The following RALGAPA1 variants were observed in gnomAD, a reference collection of about 807,000 sequenced individuals.
RALGAPA1 encodes ral GTPase-activating protein subunit alpha-1.
RALGAPA1 carries 52 observed loss-of-function variants against 269.6 expected under a neutral mutation model. The observed-to-expected ratio is 0.19, with a 90% confidence interval of 0.15 to 0.24. The LOEUF is 0.24. RALGAPA1 is among the 10% of genes least tolerant of loss of function. RALGAPA1 has a pLI of 1.00. For synonymous variants in RALGAPA1, 817 were observed against 1,008.3 expected (o/e 0.81, Z 3.60); for missense variants, 1,917 against 3,013.9 (o/e 0.64, Z 8.52).
rs1053529675 is a variant in RALGAPA1, at chr14:35,688,768, G to C, written c.3643C>G (p.Leu1215Val). 20 of 1,451,526 alleles carry C rather than the reference G, an allele frequency of 1.4e-5. No homozygotes were observed. The highest frequency in any genetic ancestry group is 1.6e-5 in the Non-Finnish European group (18 of 1,109,460). 89.9% of individuals were successfully genotyped at this position (1,451,526 alleles called of 1,614,324 possible). A position where few individuals can be genotyped will look rare whatever the true frequency, so the allele number is the denominator to read the frequency against. Reference sequence around the variant, plus strand: ...ACTGATGCAGTACCAAGTGTATCTAGAGGTCTGTACACACCAGGTTTTACT... The same window carrying C: ...ACTGATGCAGTACCAAGTGTATCTACAGGTCTGTACACACCAGGTTTTACT... ...ELVKPGVYRPLDTLGTASVSS... is the reference protein window; with the variant it reads ...ELVKPGVYRPVDTLGTASVSS... Residue 1215 changes from leucine to valine, a missense_variant, in exon 18 of 42, where the codon CTA becomes GTA. Leu to Val is a conservative substitution (Grantham distance 32). Transcript: ENST00000680220.
chr14:35,700,993 T>C (rs374190278), intron 16 of RALGAPA1, among the ~76,000 whole-genome samples: 35 of 152,232 alleles, frequency 2.3e-4, no homozygotes, highest in African/African-American at 7.9e-4. Flanking sequence ...TTGACAAAAA[T>C]AGATAATTTT....
intron 7 of RALGAPA1, 27 bp downstream of exon 7, chr14:35,756,766 T>G (rs747061575): frequency 1.4e-6 from 2 of 1,428,900 alleles, no homozygotes; most frequent in Non-Finnish European, 2.0e-6. Flanking sequence ...TAGTAAGGAG[T>G]GTGATATCAA....
At chr14:35,728,239 C>A in intron 13 of RALGAPA1, 123 bp downstream of exon 13, 1 of 897,580 alleles carries the variant, frequency 1.1e-6, no homozygotes, top group Non-Finnish European at 1.5e-6. Flanking sequence ...TATATTTATT[C>A]AATAATAGGA....
At chr14:35,707,444 T>C (rs566985731) in intron 16 of RALGAPA1, 3 of 152,216 alleles carry the variant, frequency 2.0e-5, no homozygotes, top group South Asian at 2.1e-4. Flanking sequence ...TGTGTTTTTA[T>C]TTTTTAATAG....
intron 31 of RALGAPA1, among the ~76,000 whole-genome samples, chr14:35,650,779 A>T (rs576731338): frequency 6.6e-6 from 1 of 152,202 alleles, no homozygotes; most frequent in South Asian, 2.1e-4. Context: ...AGATTGAGAT[A>T]TGACAAGGGA....
At chr14:35,672,232 A>C (rs1021652321) in intron 25 of RALGAPA1, among the ~76,000 whole-genome samples, 17 of 152,262 alleles carry the variant, frequency 1.1e-4, no homozygotes, top group African/African-American at 3.9e-4. Context: ...ATATTAATAT[A>C]CTCTGTAAAT....
At chr14:35,727,080 C>A (rs1265818923) in intron 13 of RALGAPA1, among the ~76,000 whole-genome samples, 1 of 151,652 alleles carries the variant, frequency 6.6e-6, no homozygotes, top group African/African-American at 2.4e-5. Flanking sequence ...AGAATCTTTT[C>A]AAAATATAAA....
chr14:35,640,166 A>G (rs1295556197), intron 31 of RALGAPA1, among the ~76,000 whole-genome samples: 1 of 152,086 alleles, frequency 6.6e-6, no homozygotes. Flanking sequence ...CTAACAATGC[A>G]TCTTAAAGAA....
chr14:35,639,015 A>G (rs2061838901), intron 31 of RALGAPA1, among the ~76,000 whole-genome samples: 1 of 152,224 alleles, frequency 6.6e-6, no homozygotes, highest in South Asian at 2.1e-4. Context: ...GTGGCTGAAC[A>G]GATTAAAAAA....
intron 12 of RALGAPA1, among the ~76,000 whole-genome samples, chr14:35,736,784 C>A (rs1382970689): frequency 6.6e-6 from 1 of 151,980 alleles, no homozygotes; most frequent in East Asian, 1.9e-4. Flanking sequence ...GCCTATAATC[C>A]CAACACTTTG....
Position 35,721,840 on chromosome 14 carries a change from T to C in RALGAPA1, c.2114A>G (p.His705Arg), listed in dbSNP as rs940960732. 13 of 1,613,030 alleles carry C rather than the reference T, an allele frequency of 8.1e-6. No homozygotes were observed. In the Admixed American group the frequency reaches 1.5e-4, roughly 19 times the overall value. The change falls in exon 16 of 42, where the codon CAT (histidine) becomes CGT (arginine). Residue 705 changes from histidine to arginine, a missense_variant. Transcript: ENST00000680220. ...QKKHKGKGVG[H>R]EFQKVSVDKS... is the part of the protein sequence containing the mutation. The stretch of plus-strand genomic sequence containing the variant: ...GTCAACTGAAACTTTCTGAAATTCA[T>C]GTCCAACTCCTGGAAATGTAGATTT...
chr14:35,800,934 G>A (rs1420593393), intron 1 of RALGAPA1, among the ~76,000 whole-genome samples: 1 of 152,062 alleles, frequency 6.6e-6, no homozygotes, highest in Non-Finnish European at 1.5e-5. Flanking sequence ...GAACCTGGGA[G>A]GCGGAGGTTG....
chr14:35,612,370 CAA>C (rs1010725263), intron 35 of RALGAPA1, among the ~76,000 whole-genome samples: 7 of 63,318 alleles, frequency 1.1e-4, no homozygotes, highest in Admixed American at 5.2e-4. Context: ...AACTCTGTTT[CAA>C]AAAAAAAAAA....
At chr14:35,554,503 C>T (rs1037746200) in intron 39 of RALGAPA1, among the ~76,000 whole-genome samples, 10 of 150,588 alleles carry the variant, frequency 6.6e-5, no homozygotes, top group Admixed American at 2.0e-4. Context: ...CCCGCCACTA[C>T]GCCCGGCTAA....
chr14:35,772,841 C>T (rs1169794212), intron 3 of RALGAPA1, among the ~76,000 whole-genome samples: 1 of 152,164 alleles, frequency 6.6e-6, no homozygotes, highest in Admixed American at 6.5e-5. Context: ...TGATAATATA[C>T]TGCTCAAATG....
chr14:35,796,432 A>G (rs932407753), intron 1 of RALGAPA1, among the ~76,000 whole-genome samples: 5 of 152,202 alleles, frequency 3.3e-5, no homozygotes, highest in African/African-American at 1.2e-4. Context: ...TACGGTAGTA[A>G]ATGGAGTTCT....
chr14:35,746,293 G>C (rs1366239032), intron 10 of RALGAPA1, among the ~76,000 whole-genome samples: 1 of 152,118 alleles, frequency 6.6e-6, no homozygotes, highest in African/African-American at 2.4e-5. Context: ...AATGTACAAA[G>C]GTTCAGTTAT....
At chr14:35,793,991 T>C (rs1463588504) in intron 1 of RALGAPA1, among the ~76,000 whole-genome samples, 1 of 152,252 alleles carries the variant, frequency 6.6e-6, no homozygotes, top group East Asian at 1.9e-4. Context: ...TAACACTTTA[T>C]GTCAATAATC....
rs137875717 is a variant in RALGAPA1, at chr14:35,671,492, T to C, written c.5099A>G (p.His1700Arg). ...DQDIVNTIIK[H>R]CSPQFFSLGL... ...AAGTGAAAAAAATTGAGGTGAGCAG[T>C]GTTTGATGATTGTATTGACAATATC... Residue 1700 changes from histidine to arginine, a missense_variant, in exon 26 of 42, where the codon CAC becomes CGC. Physicochemically the swap from His to Arg is conservative, Grantham distance 29. Coordinates refer to ENST00000680220, the MANE Select transcript of RALGAPA1 (RefSeq NM_001346249.2). 4 of 1,575,146 alleles carry C rather than the reference T, an allele frequency of 2.5e-6. No individual in the cohort carries two copies. Among genetic ancestry groups the C allele is most frequent in the Non-Finnish European group, 3.5e-6 (4 of 1,145,078 alleles).
Sources: gnomAD v4.1 joint callset for allele counts (sites outside exome capture counted in the v4.1 genomes callset) on GRCh38, gnomAD v4.1.1 for gene constraint, MANE v1.5 for transcripts, NCBI Gene and HGNC (gene_info 2026-07-23, HGNC 2026-07-21) for gene names.